The following AKAP6 variants were observed in gnomAD, a reference collection of about 807,000 sequenced individuals.
The protein encoded by AKAP6 is A-kinase anchor protein 6.
AKAP6 carries 58 observed loss-of-function variants against 188.5 expected under a neutral mutation model. The ratio of observed to expected loss-of-function variants is 0.31; its 90% confidence interval spans 0.25 to 0.38. The LOEUF (loss-of-function observed/expected upper bound fraction) is 0.38. Ranked by LOEUF, AKAP6 falls within the 10% of genes least tolerant of loss-of-function variation. The pLI is 1.00. For missense variants in AKAP6, 2,710 were observed against 2,740.0 expected, an observed-to-expected ratio of 0.99 and a Z score of 0.24; for synonymous variants, 989 against 998.6, an observed-to-expected ratio of 0.99 and a Z score of 0.18.
At chr14:32,503,857 T>G (rs1244916561) in intron 2 of AKAP6, among the ~76,000 whole-genome samples, 2 of 152,042 alleles carry the variant, frequency 1.3e-5, no homozygotes, top group African/African-American at 2.4e-5. Flanking sequence ...CTATTCCTAT[T>G]GTCCATTTTT....
At chr14:32,480,810 A>T (rs1427626908) in intron 2 of AKAP6, among the ~76,000 whole-genome samples, 2 of 152,156 alleles carry the variant, frequency 1.3e-5, no homozygotes, top group African/African-American at 4.8e-5. Context: ...TCAAGCCTGA[A>T]GATCCTACTG....
rs990484330 is a variant in AKAP6, at chr14:32,837,077, C to T, written c.*7272C>T. Reference sequence around the variant, plus strand: ...AGCCTTTTGTGTCTATACCTTGTAACCTGTCATGTTCATCAACGTTTTAGA... The same window carrying T: ...AGCCTTTTGTGTCTATACCTTGTAATCTGTCATGTTCATCAACGTTTTAGA... On this transcript the variant is annotated 3_prime_UTR_variant, in exon 14 of 14. Transcript: ENST00000280979. The T allele has an allele frequency of 2.6e-5, 4 of 152,126 alleles. No homozygotes were observed. Among genetic ancestry groups the T allele is most frequent in the African/African-American group, 9.7e-5 (4 of 41,400 alleles). The allele number at this position is 152,126 out of a possible 1,614,324, so 9.4% of individuals were successfully genotyped here.
At chr14:32,405,548 T>C (rs987717998) in intron 1 of AKAP6, among the ~76,000 whole-genome samples, 9 of 152,192 alleles carry the variant, frequency 5.9e-5, no homozygotes, top group Non-Finnish European at 1.3e-4. Flanking sequence ...AGTTTGCAGT[T>C]CATTCTCTGT....
At chr14:32,332,406 G>A (rs147295279) in intron 1 of AKAP6, among the ~76,000 whole-genome samples, 204 of 152,190 alleles carry the variant, frequency 1.3e-3, no homozygotes, top group African/African-American at 4.6e-3. Flanking sequence ...GTAAGGATGA[G>A]CATGAATCTT....
chr14:32,823,934 T>A lies in AKAP6; in HGVS notation c.6121T>A (p.Cys2041Ser), dbSNP rs1244205866. Residue 2041 changes from cysteine to serine, a missense_variant, in exon 13 of 14, where the codon TGT becomes AGT. Cys to Ser is a moderately radical substitution (Grantham distance 112). Around this residue, in one of 2 missense-constraint regions of AKAP6, gnomAD observed 2,473 missense variants for 2,426.1 expected, o/e 1.02. Coordinates refer to ENST00000280979, the MANE Select transcript of AKAP6 (RefSeq NM_004274.5). ...ASISNISCCN[C>S]EPDVFHQKDA... ...TATCAGCAACATTTCCTGTTGCAACTGTGAGCCAGATGTTTTCCATCAAAA... is the reference window on the plus strand; with the variant it reads ...TATCAGCAACATTTCCTGTTGCAACAGTGAGCCAGATGTTTTCCATCAAAA... 1.9e-6 allele frequency: 3 copies of A among 1,613,992 alleles called. No homozygotes were observed. Among genetic ancestry groups the A allele is most frequent in the Non-Finnish European group, 2.5e-6 (3 of 1,179,940 alleles).
At chr14:32,790,070 A>G (rs996386777) in intron 12 of AKAP6, among the ~76,000 whole-genome samples, 2 of 152,244 alleles carry the variant, frequency 1.3e-5, no homozygotes, top group African/African-American at 4.8e-5. Context: ...TAACTTCACA[A>G]TGCAATCACA....
At chr14:32,357,344 A>C (rs955491848) in intron 1 of AKAP6, among the ~76,000 whole-genome samples, 1 of 152,220 alleles carries the variant, frequency 6.6e-6, no homozygotes, top group East Asian at 1.9e-4. Flanking sequence ...AAATGTAGAC[A>C]TCTTAAAAGC....
chr14:32,670,067 G>A (rs1004101043), intron 7 of AKAP6, among the ~76,000 whole-genome samples: 7 of 150,622 alleles, frequency 4.6e-5, no homozygotes, highest in Non-Finnish European at 1.0e-4. Context: ...ACTGTACAGC[G>A]GCCTGAGTGA....
Position 32,510,477 on chromosome 14 carries a change from CATATAT to C in AKAP6, c.325-25072_325-25067del, listed in dbSNP as rs1285195480. Among the ~76,000 whole-genome samples the C allele has an allele frequency of 5.6e-4, 41 of 72,906 alleles. 1 individual carries two copies. Among genetic ancestry groups the C allele is most frequent in the African/African-American group, 2.1e-3 (34 of 16,114 alleles). The allele number at this position is 72,906 out of a possible 152,430, so 47.8% of individuals were successfully genotyped here. On this transcript the variant is annotated intron_variant, in intron 2 of 13. Transcript: ENST00000280979. ...ATATATATGTGTATATATATATATA[CATATAT>C]ATATGTGTATATATATATATATGAA...
intron 11 of AKAP6, among the ~76,000 whole-genome samples, chr14:32,751,984 C>G (rs1317957194): frequency 6.6e-6 from 1 of 152,086 alleles, no homozygotes; most frequent in East Asian, 1.9e-4. Context: ...CAAATTGGGC[C>G]CTCATTTGAA....
intron 1 of AKAP6, among the ~76,000 whole-genome samples, chr14:32,374,083 C>T (rs369344394): frequency 6.6e-6 from 1 of 152,238 alleles, no homozygotes; most frequent in Non-Finnish European, 1.5e-5. Flanking sequence ...TAAAACTTTG[C>T]GTAAGGAATA....
intron 1 of AKAP6, among the ~76,000 whole-genome samples, chr14:32,336,000 T>A (rs1886686769): frequency 6.6e-6 from 1 of 152,034 alleles, no homozygotes; most frequent in Admixed American, 6.6e-5. Context: ...AGCAAGGTAG[T>A]TCCAGCCATG....
chr14:32,599,154 G>A (rs969319614), intron 5 of AKAP6, among the ~76,000 whole-genome samples: 8 of 152,224 alleles, frequency 5.3e-5, no homozygotes, highest in South Asian at 2.1e-4. Flanking sequence ...TATAGCCTAC[G>A]GGATGTGACT....
chr14:32,339,731 C>A (rs1284669913), intron 1 of AKAP6, among the ~76,000 whole-genome samples: 1 of 152,068 alleles, frequency 6.6e-6, no homozygotes, highest in African/African-American at 2.4e-5. Context: ...TTCTCTGTTG[C>A]TATTAAAAAT....
At chr14:32,596,363 A>G (rs1013089662) in intron 5 of AKAP6, among the ~76,000 whole-genome samples, 1 of 152,182 alleles carries the variant, frequency 6.6e-6, no homozygotes, top group African/African-American at 2.4e-5. Context: ...GGGAATTCTC[A>G]AAGTTTGGTC....
intron 7 of AKAP6, among the ~76,000 whole-genome samples, chr14:32,676,384 T>C (rs1950695): frequency 0.65 from 98,059 of 151,978 alleles, 33,533 homozygotes; most frequent in African/African-American, 0.86. Context: ...CTTTCAGGTT[T>C]CATGATGTTT....
At chr14:32,640,242 CT>C (rs1887697016) in intron 7 of AKAP6, among the ~76,000 whole-genome samples, 1 of 152,106 alleles carries the variant, frequency 6.6e-6, no homozygotes, top group African/African-American at 2.4e-5. Flanking sequence ...AATCAACAAT[CT>C]TATATTCAAC....
At chr14:32,452,738 A>C (rs759348934) in intron 2 of AKAP6, among the ~76,000 whole-genome samples, 6 of 152,362 alleles carry the variant, frequency 3.9e-5, no homozygotes, top group Non-Finnish European at 5.9e-5. Flanking sequence ...TCCAGAGACC[A>C]TATTAATAAA....
At chr14:32,441,017 C>T (rs1436854514) in intron 2 of AKAP6, among the ~76,000 whole-genome samples, 2 of 152,170 alleles carry the variant, frequency 1.3e-5, no homozygotes, top group African/African-American at 2.4e-5. Context: ...CAGGGAGCTA[C>T]GGCAGCAACA....
Sources: gnomAD v4.1 joint callset for allele counts (sites outside exome capture counted in the v4.1 genomes callset) on GRCh38, gnomAD v4.1.1 for gene constraint, gnomAD v4.1.1 regional missense constraint, MANE v1.5 for transcripts, NCBI Gene and HGNC (gene_info 2026-07-23, HGNC 2026-07-21) for gene names.